Variants in ANKFN1 observed in about 807,000 individuals in gnomAD.
ANKFN1 encodes ankyrin repeat and fibronectin type III domain containing 1.
In ANKFN1, 74 loss-of-function variants were observed where a neutral mutation model predicts 108.7. The observed-to-expected ratio is 0.68, with a 90% CI of 0.56 to 0.83. ANKFN1 has a LOEUF of 0.83. Among genes scored for constraint, ANKFN1 ranks in the 40% least tolerant of loss-of-function variants. The pLI is 0.00. For missense variants in ANKFN1, 1,505 were observed against 1,382.3 expected, an observed-to-expected ratio of 1.09 and a Z score of -1.41; for synonymous variants, 547 against 516.2, an observed-to-expected ratio of 1.06 and a Z score of -0.81.
At chr17:56,074,691 T>G (rs1905161138) in intron 4 of ANKFN1, among the ~76,000 whole-genome samples, 1 of 152,228 alleles carries the variant, frequency 6.6e-6, no homozygotes, top group Non-Finnish European at 1.5e-5. Flanking sequence ...CTCCTATTTC[T>G]TCTTTCTCCC....
chr17:56,310,016 G>A (rs1326470632), intron 3 of ANKFN1, among the ~76,000 whole-genome samples: 1 of 152,152 alleles, frequency 6.6e-6, no homozygotes, highest in Non-Finnish European at 1.5e-5. Context: ...CGCTTCACAT[G>A]ATCCTGGATC....
At chr17:56,083,886 C>T (rs1905277577) in intron 4 of ANKFN1, among the ~76,000 whole-genome samples, 1 of 151,324 alleles carries the variant, frequency 6.6e-6, no homozygotes, top group South Asian at 2.1e-4. Context: ...ATGTAAATGA[C>T]ATGCTTAGCT....
At chr17:56,128,053 T>C (rs1907040970) in intron 4 of ANKFN1, among the ~76,000 whole-genome samples, 1 of 152,134 alleles carries the variant, frequency 6.6e-6, no homozygotes, top group Non-Finnish European at 1.5e-5. Flanking sequence ...CCTCTCCCCT[T>C]TTCCTTCCCA....
At chr17:56,150,604 C>G (rs957673243), upstream of ANKFN1, among the ~76,000 whole-genome samples, 4 of 152,190 alleles carry the variant, frequency 2.6e-5, no homozygotes, top group Non-Finnish European at 5.9e-5. Context: ...CAACTGAATT[C>G]TAATTCCTTT....
intron 3 of ANKFN1, among the ~76,000 whole-genome samples, chr17:56,244,134 T>C (rs1917785377): frequency 6.6e-6 from 1 of 152,120 alleles, no homozygotes; most frequent in Admixed American, 6.6e-5. Context: ...TATAAAATAC[T>C]GTGTAAGTGA....
chr17:56,495,052 G>A (rs1228745490), intron 19 of ANKFN1, among the ~76,000 whole-genome samples: 2 of 152,108 alleles, frequency 1.3e-5, no homozygotes, highest in African/African-American at 4.8e-5. Context: ...ATTCTTCAAA[G>A]TTCTAGCCCG....
intron 2 of ANKFN1, among the ~76,000 whole-genome samples, chr17:56,213,612 C>T (rs1209217259): frequency 6.6e-6 from 1 of 152,144 alleles, no homozygotes; most frequent in Non-Finnish European, 1.5e-5. Context: ...TTTAAGAAAG[C>T]TTTGCTATGT....
chr17:56,318,704 T>A (rs2144494035), intron 3 of ANKFN1, among the ~76,000 whole-genome samples: 1 of 152,308 alleles, frequency 6.6e-6, no homozygotes, highest in South Asian at 2.1e-4. Context: ...ACCTTCCTTA[T>A]TCCACCAGCC....
chr17:56,516,855 TTA>T lies in ANKFN1; in HGVS notation c.*5588_*5589del, dbSNP rs1421094213. On this transcript the variant is annotated 3_prime_UTR_variant, in exon 21 of 21. Coordinates refer to ENST00000682825, the MANE Select transcript of ANKFN1 (RefSeq NM_001370326.1). The stretch of plus-strand genomic sequence containing the variant: ...TTATTTCATAAGCATTAATTATACT[TTA>T]TGTCTTACCTAATATTGTTGATATC... Among the ~76,000 whole-genome samples the T allele has an allele frequency of 6.6e-6, 1 of 152,200 alleles. No individual in the cohort carries two copies. The highest frequency in any genetic ancestry group is 1.5e-5 in the Non-Finnish European group (1 of 68,026).
At chr17:56,271,577 T>TAA (rs1440456827) in intron 3 of ANKFN1, among the ~76,000 whole-genome samples, 2 of 152,156 alleles carry the variant, frequency 1.3e-5, no homozygotes, top group African/African-American at 4.8e-5. Flanking sequence ...CTGTCTTGGA[T>TAA]AAGGTAGTAT....
chr17:56,428,073 A>T (rs1444200096), intron 8 of ANKFN1, among the ~76,000 whole-genome samples: 1 of 152,036 alleles, frequency 6.6e-6, no homozygotes, highest in African/African-American at 2.4e-5. Context: ...TCTCTACTAA[A>T]AATACAAAAA....
chr17:56,403,915 A>G (rs1395813071), intron 8 of ANKFN1, among the ~76,000 whole-genome samples: 4 of 152,038 alleles, frequency 2.6e-5, no homozygotes, highest in Non-Finnish European at 4.4e-5. Context: ...TCTTTCCTTC[A>G]TATATGATGC....
chr17:56,122,691 T>A (rs540674640), intron 4 of ANKFN1, among the ~76,000 whole-genome samples: 112 of 152,250 alleles, frequency 7.4e-4, no homozygotes, highest in Middle Eastern at 3.4e-3. Flanking sequence ...CCTCTGGCCA[T>A]CAGAAAGAAA....
chr17:56,324,827 T>C (rs934308273), intron 3 of ANKFN1, among the ~76,000 whole-genome samples: 1 of 152,196 alleles, frequency 6.6e-6, no homozygotes, highest in African/African-American at 2.4e-5. Context: ...AGTAAGACAA[T>C]TGTTAAAAGC....
At chr17:56,465,631 C>G (rs924580206) in intron 14 of ANKFN1, among the ~76,000 whole-genome samples, 1 of 152,178 alleles carries the variant, frequency 6.6e-6, no homozygotes, top group Non-Finnish European at 1.5e-5. Context: ...TAGAAATCTT[C>G]AAACCCTGCA....
chr17:56,164,882 C>T (rs979164640), intron 1 of ANKFN1, among the ~76,000 whole-genome samples: 17 of 152,098 alleles, frequency 1.1e-4, no homozygotes, highest in African/African-American at 4.1e-4. Flanking sequence ...TTATAACCTA[C>T]GAAGAAGAAA....
At chr17:56,154,117 TTG>T (rs752095932) in intron 1 of ANKFN1, among the ~76,000 whole-genome samples, 2 of 152,032 alleles carry the variant, frequency 1.3e-5, no homozygotes, top group Non-Finnish European at 2.9e-5. Flanking sequence ...ACCCTGTGGG[TTG>T]TGTCGGTGGT....
At chr17:56,230,940 A>G (rs1049781823) in intron 3 of ANKFN1, among the ~76,000 whole-genome samples, 1 of 152,118 alleles carries the variant, frequency 6.6e-6, no homozygotes, top group African/African-American at 2.4e-5. Flanking sequence ...CTGCTCCAGA[A>G]AAAGAAGGAA....
chr17:56,188,581 G>GTGTGTATA (rs1212242378), intron 1 of ANKFN1, among the ~76,000 whole-genome samples: 17 of 49,646 alleles, frequency 3.4e-4, no homozygotes, highest in East Asian at 2.2e-3. Flanking sequence ...GTGTGTGTGT[G>GTGTGTATA]TATATATATA....
Sources: allele counts gnomAD v4.1 joint callset (sites outside exome capture counted in the v4.1 genomes callset), GRCh38; gene constraint gnomAD v4.1.1; transcripts MANE v1.5; gene names NCBI Gene and HGNC (gene_info 2026-07-23, HGNC 2026-07-21).